Variants in TXNRD3 observed in about 807,000 individuals in gnomAD.
TXNRD3 encodes the protein thioredoxin reductase 3.
Under a neutral mutation model 78.2 loss-of-function variants are expected in TXNRD3, and 68 were observed. The observed-to-expected ratio is 0.87, with a 90% CI of 0.72 to 1.06. The LOEUF is 1.06. Among genes scored for constraint, TXNRD3 ranks in the 50% least tolerant of loss-of-function variants. TXNRD3 has a pLI of 0.00. For synonymous variants in TXNRD3, 296 were observed against 300.1 expected (o/e 0.99, Z 0.14); for missense variants, 751 against 809.5 (o/e 0.93, Z 0.88).
intron 1 of TXNRD3, among the ~76,000 whole-genome samples, chr3:126,651,737 T>TG (rs1933395996): frequency 6.6e-6 from 1 of 152,114 alleles, no homozygotes; most frequent in South Asian, 2.1e-4. Flanking sequence ...GTGGAAAGGA[T>TG]GGGGTCTCCA....
chr3:126,618,312 T>TATTTTTGAATACATTACAGTA (rs1201419678), intron 12 of TXNRD3, among the ~76,000 whole-genome samples: 13 of 152,148 alleles, frequency 8.5e-5, no homozygotes, highest in African/African-American at 2.7e-4. Context: ...CACTACCTGA[T>TATTTTTGAATACATTACAGTA]TTCAAAATAT....
intron 13 of TXNRD3, among the ~76,000 whole-genome samples, chr3:126,614,955 T>C (rs1420602703): frequency 6.6e-6 from 1 of 152,068 alleles, no homozygotes; most frequent in African/African-American, 2.4e-5. Flanking sequence ...GCAATAAAGG[T>C]GTGTAGAGGG....
intron 6 of TXNRD3, among the ~76,000 whole-genome samples, chr3:126,638,305 AT>A (rs890831178): frequency 6.6e-6 from 1 of 152,074 alleles, no homozygotes; most frequent in Non-Finnish European, 1.5e-5. Flanking sequence ...CCAGAACATG[AT>A]TTTGGCATGC....
chr3:126,618,306 A>G (rs1938361637), intron 12 of TXNRD3, among the ~76,000 whole-genome samples: 1 of 152,244 alleles, frequency 6.6e-6, no homozygotes. Flanking sequence ...GCATTACACT[A>G]CCTGATTTCA....
chr3:126,643,549 A>G (rs1933145253), intron 5 of TXNRD3, among the ~76,000 whole-genome samples: 1 of 152,172 alleles, frequency 6.6e-6, no homozygotes, highest in Non-Finnish European at 1.5e-5. Flanking sequence ...CAGTACATAC[A>G]CTGTGACCTC....
chr3:126,647,046 G>A (rs952372406), intron 2 of TXNRD3, among the ~76,000 whole-genome samples, 190 bp downstream of exon 2: 1 of 152,102 alleles, frequency 6.6e-6, no homozygotes, highest in Non-Finnish European at 1.5e-5. Context: ...TATGGAAAAT[G>A]TATAAATAAA....
chr3:126,612,162 C>T (rs1413784641), intron 13 of TXNRD3, among the ~76,000 whole-genome samples: 1 of 152,072 alleles, frequency 6.6e-6, no homozygotes, highest in Non-Finnish European at 1.5e-5. Flanking sequence ...CCTCAGTCCC[C>T]AAGTAGCTGG....
chr3:126,619,973 A>G (rs538095538), intron 12 of TXNRD3, among the ~76,000 whole-genome samples: 1 of 152,250 alleles, frequency 6.6e-6, no homozygotes, highest in East Asian at 1.9e-4. Context: ...GCGTCAAAAG[A>G]GCCACATGTA....
rs1440967324 is a variant in TXNRD3, at chr3:126,640,402, C to G, written c.712+1630G>C. On this transcript the variant is annotated intron_variant, in intron 6 of 15. Coordinates refer to ENST00000524230, the MANE Select transcript of TXNRD3 (RefSeq NM_052883.3). ...GATTACAGGCGTGAGCCACCGCGCC[C>G]GGCCGCTGCTTGTGTTTTCTATCTC... Among the ~76,000 whole-genome samples the G allele has an allele frequency of 2.7e-5, 4 of 150,326 alleles. 2 individuals are homozygous for G. Among genetic ancestry groups the G allele is most frequent in the Middle Eastern group, 6.8e-3 (2 of 292 alleles).
At chr3:126,623,667 G>A (rs975135955) in intron 10 of TXNRD3, among the ~76,000 whole-genome samples, 10 of 151,810 alleles carry the variant, frequency 6.6e-5, no homozygotes, top group African/African-American at 2.2e-4. Flanking sequence ...TAAAATCTTC[G>A]GAATAAAAGA....
At chr3:126,654,025 T>TAAA (rs376083520) in intron 1 of TXNRD3, among the ~76,000 whole-genome samples, 2 of 131,942 alleles carry the variant, frequency 1.5e-5, no homozygotes, top group South Asian at 2.4e-4. Context: ...GGTAAAAATG[T>TAAA]AAAAAAAAAA....
Position 126,607,529 on chromosome 3 carries a change from C to T in TXNRD3, c.*376G>A, listed in dbSNP as rs373859091. The T allele has an allele frequency of 1.0e-3, 170 of 164,200 alleles. 1 individual carries two copies. The highest frequency in any genetic ancestry group is 3.7e-3 in the African/African-American group (156 of 42,092). 10.2% of individuals were successfully genotyped at this position (164,200 alleles called of 1,614,324 possible). On this transcript the variant is annotated 3_prime_UTR_variant, in exon 16 of 16. Coordinates refer to ENST00000524230, the MANE Select transcript of TXNRD3 (RefSeq NM_052883.3). Reference sequence around the variant, plus strand: ...AACTGAAAATATATTTTCACAGAAACAACAAAGCAAAGGGGATAAAAACAA... The same window carrying T: ...AACTGAAAATATATTTTCACAGAAATAACAAAGCAAAGGGGATAAAAACAA...
At chr3:126,636,108 T>C (rs965350782) in intron 6 of TXNRD3, among the ~76,000 whole-genome samples, 1 of 152,090 alleles carries the variant, frequency 6.6e-6, no homozygotes, top group African/African-American at 2.4e-5. Flanking sequence ...ATTTTTCTAT[T>C]TTTTATTTTT....
chr3:126,626,753 A>G (rs1327657485), intron 10 of TXNRD3, among the ~76,000 whole-genome samples: 1 of 152,194 alleles, frequency 6.6e-6, no homozygotes, highest in Non-Finnish European at 1.5e-5. Flanking sequence ...AAACCATCCC[A>G]TGATCAAGCA....
At chr3:126,643,248 C>T (rs893346571) in intron 5 of TXNRD3, among the ~76,000 whole-genome samples, 1 of 152,158 alleles carries the variant, frequency 6.6e-6, no homozygotes, top group African/African-American at 2.4e-5. Context: ...TCTTATGGAG[C>T]GTACAGCAGG....
intron 1 of TXNRD3, among the ~76,000 whole-genome samples, chr3:126,649,008 C>G (rs887391628): frequency 6.6e-6 from 1 of 152,066 alleles, no homozygotes; most frequent in South Asian, 2.1e-4. Context: ...TAGCAAGATG[C>G]CATCTCTTAA....
Position 126,634,002 on chromosome 3 carries a change from G to A in TXNRD3, c.762C>T (p.Ser254=). 1 of 1,529,016 alleles carries A rather than the reference G, an allele frequency of 6.5e-7. No individual in the cohort carries two copies. The highest frequency in any genetic ancestry group is 1.2e-5 in the South Asian group (1 of 82,492). 94.7% of individuals were successfully genotyped at this position (1,529,016 alleles called of 1,614,324 possible). The change falls in exon 7 of 16, where the codon AGC becomes AGT. Residue 254 remains serine, a synonymous_variant. Coordinates refer to ENST00000524230, the MANE Select transcript of TXNRD3 (RefSeq NM_052883.3). ...ACAACCTGTAGCCCCAGTTTAGAGA[G>A]CTGATGTGGTTCTGAATCGCTTTTG...
chr3:126,608,079 G>A, intron 15 of TXNRD3, 106 bp from the exon 16 acceptor site: 1 of 873,970 alleles, frequency 1.1e-6, no homozygotes. Flanking sequence ...ATACAAATCT[G>A]GCCAGGCATG....
chr3:126,645,640 T>C (rs1473674214), intron 3 of TXNRD3, among the ~76,000 whole-genome samples: 1 of 152,194 alleles, frequency 6.6e-6, no homozygotes, highest in African/African-American at 2.4e-5. Flanking sequence ...AAGGATCTTA[T>C]TTAATAAACA....
Sources: allele counts gnomAD v4.1 joint callset (sites outside exome capture counted in the v4.1 genomes callset), GRCh38; gene constraint gnomAD v4.1.1; transcripts MANE v1.5; gene names NCBI Gene and HGNC (gene_info 2026-07-23, HGNC 2026-07-21).